The following UNC5C variants were observed in gnomAD, a reference collection of about 807,000 sequenced individuals.
UNC5C encodes the protein unc-5 netrin receptor C, also known as netrin receptor UNC5C.
Under a neutral mutation model 99.8 loss-of-function variants are expected in UNC5C, and 47 were observed. The observed-to-expected ratio is 0.47, with a 90% CI of 0.37 to 0.60. UNC5C has a LOEUF of 0.60. UNC5C is among the 20% of genes least tolerant of loss of function. The pLI is 0.00. For missense variants in UNC5C, 1,062 were observed against 1,165.9 expected, an observed-to-expected ratio of 0.91 and a Z score of 1.30; for synonymous variants, 487 against 452.2, an observed-to-expected ratio of 1.08 and a Z score of -0.98.
chr4:95,418,497 G>A (rs546329982), intron 1 of UNC5C, among the ~76,000 whole-genome samples: 13 of 152,216 alleles, frequency 8.5e-5, no homozygotes, highest in Middle Eastern at 3.4e-3. Context: ...TGTATTACAA[G>A]TAATCATGCT....
In UNC5C at chr4:95,520,808, G is replaced by C. The variant is rs192635679; in HGVS notation, c.124+27926C>G. ...GTAGAGACGGGGTTTCACTGCATTA[G>C]CCAAGATGGTCTCGGTCTCCTGACC... is the stretch of plus-strand genomic sequence containing the variant. On this transcript the variant is annotated intron_variant, in intron 1 of 15. Transcript: ENST00000453304. 4.6e-5 allele frequency among the ~76,000 whole-genome samples: 7 copies of C among 152,012 alleles called. No individual in the cohort carries two copies. The East Asian group carries it at 1.4e-3, about 30-fold the overall frequency.
In UNC5C at chr4:95,163,165, A is replaced by T. The variant is rs1446758772; in HGVS notation, c.*6069T>A. ...AGGAAAGCGTGAAGAAGAGAATGCA[A>T]ATCACTTGTTCCACTGTTCTGACTG... is the stretch of plus-strand genomic sequence containing the variant. On this transcript the variant is annotated 3_prime_UTR_variant, in exon 16 of 16. Transcript: ENST00000453304. 6.6e-6 allele frequency: 1 copy of T among 152,206 alleles called. No individual in the cohort carries two copies. The highest frequency in any genetic ancestry group is 2.4e-5 in the African/African-American group (1 of 41,440). 9.4% of individuals were successfully genotyped at this position (152,206 alleles called of 1,614,324 possible). A position where few individuals can be genotyped will look rare whatever the true frequency, so the allele number is the denominator to read the frequency against.
intron 1 of UNC5C, among the ~76,000 whole-genome samples, chr4:95,435,846 C>A (rs532758742): frequency 1.1e-4 from 16 of 152,024 alleles, no homozygotes; most frequent in Non-Finnish European, 1.9e-4. Flanking sequence ...AATATTCCAT[C>A]AGTTTTATTA....
chr4:95,179,659 A>ATTGT (rs376225931), intron 14 of UNC5C, among the ~76,000 whole-genome samples: 2 of 146,770 alleles, frequency 1.4e-5, no homozygotes, highest in African/African-American at 2.5e-5. Flanking sequence ...AGGCAGGAGA[A>ATTGT]TTGTTTGAAC....
intron 1 of UNC5C, among the ~76,000 whole-genome samples, chr4:95,366,626 T>G (rs1449443176): frequency 6.6e-6 from 1 of 152,226 alleles, no homozygotes; most frequent in Admixed American, 6.5e-5. Flanking sequence ...GTAGGACCTT[T>G]GTCAACATAA....
chr4:95,484,254 T>C (rs1194735364), intron 1 of UNC5C, among the ~76,000 whole-genome samples: 2 of 151,854 alleles, frequency 1.3e-5, no homozygotes, highest in African/African-American at 4.8e-5. Flanking sequence ...AATGCATCCA[T>C]TCAAAGATTT....
intron 1 of UNC5C, among the ~76,000 whole-genome samples, chr4:95,394,265 A>G (rs1745445604): frequency 6.6e-6 from 1 of 152,066 alleles, no homozygotes; most frequent in Admixed American, 6.5e-5. Context: ...TACAAAAAAA[A>G]AAAACCCTCC....
chr4:95,472,887 G>A (rs879599317), intron 1 of UNC5C, among the ~76,000 whole-genome samples: 8 of 148,510 alleles, frequency 5.4e-5, no homozygotes, highest in Non-Finnish European at 9.0e-5. Flanking sequence ...TATTTGGCCC[G>A]TTCTATTGTT....
chr4:95,243,482 G>C, intron 6 of UNC5C, among the ~76,000 whole-genome samples: 1 of 152,166 alleles, frequency 6.6e-6, no homozygotes, highest in East Asian at 1.9e-4. Flanking sequence ...TGAAATAAGA[G>C]CTTTAAAATA....
intron 1 of UNC5C, among the ~76,000 whole-genome samples, chr4:95,393,626 T>C (rs1483017190): frequency 6.6e-6 from 1 of 152,196 alleles, no homozygotes; most frequent in Non-Finnish European, 1.5e-5. Context: ...GTAGATGTTA[T>C]TTCTATGGTC....
intron 1 of UNC5C, among the ~76,000 whole-genome samples, chr4:95,381,657 AGTTT>A (rs1446834206): frequency 6.6e-6 from 1 of 152,184 alleles, no homozygotes; most frequent in African/African-American, 2.4e-5. Flanking sequence ...ATTATTTGAT[AGTTT>A]GTGTCTAAAT....
intron 7 of UNC5C, among the ~76,000 whole-genome samples, chr4:95,220,635 C>G (rs1738437328): frequency 1.3e-5 from 2 of 152,158 alleles, no homozygotes; most frequent in African/African-American, 4.8e-5. Flanking sequence ...AGTATCACTC[C>G]AAGTCATAAA....
At chr4:95,407,273 A>G (rs535749761) in intron 1 of UNC5C, among the ~76,000 whole-genome samples, 24 of 152,282 alleles carry the variant, frequency 1.6e-4, no homozygotes, top group Middle Eastern at 6.8e-3. Context: ...ATACGAGGGC[A>G]CTAAAATTTT....
chr4:95,356,193 C>CAAAAAAAAAAAAAAAAAAAAAA (rs59097041), intron 1 of UNC5C, among the ~76,000 whole-genome samples: 1 of 57,996 alleles, frequency 1.7e-5, no homozygotes, highest in Non-Finnish European at 3.3e-5. Flanking sequence ...GACCCTGTAG[C>CAAAAAAAAAAAAAAAAAAAAAA]AAAAAAAAAA....
chr4:95,256,250 A>C (rs545120027), intron 4 of UNC5C, among the ~76,000 whole-genome samples: 1 of 151,986 alleles, frequency 6.6e-6, no homozygotes, highest in Admixed American at 6.6e-5. Flanking sequence ...CCCAGACCCC[A>C]CCGCTGATCT....
At chr4:95,384,211 T>C (rs745312029) in intron 1 of UNC5C, among the ~76,000 whole-genome samples, 1 of 152,164 alleles carries the variant, frequency 6.6e-6, no homozygotes, top group Non-Finnish European at 1.5e-5. Context: ...GAGAAATATT[T>C]ATTGAATAAC....
chr4:95,496,173 C>T (rs1240107280), intron 1 of UNC5C, among the ~76,000 whole-genome samples: 1 of 151,722 alleles, frequency 6.6e-6, no homozygotes, highest in East Asian at 1.9e-4. Context: ...GAGTGGCATC[C>T]TGTTCTGACA....
Position 95,231,901 on chromosome 4 carries a change from A to G in UNC5C, c.1108+10528T>C, listed in dbSNP as rs139943209. Among the ~76,000 whole-genome samples, 886 of 152,318 alleles carry G rather than the reference A, an allele frequency of 5.8e-3. 7 individuals are homozygous for G. Among genetic ancestry groups the G allele is most frequent in the Admixed American group, 8.6e-3 (132 of 15,296 alleles). On this transcript the variant is annotated intron_variant, in intron 7 of 15. Transcript: ENST00000453304. ...TAGGACATGACAACAACAATTAAAA[A>G]GAACATTTGCTTATCACTGATGTCA... is the stretch of plus-strand genomic sequence containing the variant.
intron 4 of UNC5C, among the ~76,000 whole-genome samples, chr4:95,251,474 T>C (rs1739727989): frequency 6.6e-6 from 1 of 152,230 alleles, no homozygotes; most frequent in African/African-American, 2.4e-5. Context: ...ATAATATTAA[T>C]GTAGTAATAG....
Sources: gnomAD v4.1 joint callset for allele counts (sites outside exome capture counted in the v4.1 genomes callset) on GRCh38, gnomAD v4.1.1 for gene constraint, MANE v1.5 for transcripts, NCBI Gene and HGNC (gene_info 2026-07-23, HGNC 2026-07-21) for gene names.